The following MTM1 variants were observed in gnomAD, a reference collection of about 807,000 sequenced individuals.
MTM1 encodes myotubularin 1.
A neutral mutation model predicts 52.1 loss-of-function variants in MTM1; 9 were observed. The ratio of observed to expected loss-of-function variants is 0.17; its 90% CI spans 0.10 to 0.30. The LOEUF (loss-of-function observed/expected upper bound fraction) is 0.30, where lower values mean the gene tolerates loss of function less well. Ranked by LOEUF, MTM1 falls within the 10% of genes least tolerant of loss-of-function variation. The probability of loss-of-function intolerance (pLI) is 1.00; values close to 1 mark genes in which losing one functional copy is unlikely to be tolerated. For synonymous variants in MTM1, 136 were observed against 163.8 expected (o/e 0.83, Z 1.29); for missense variants, 277 against 470.7 (o/e 0.59, Z 3.81).
chrX:150,662,380 G>T (rs980090528), intron 13 of MTM1, among the ~76,000 whole-genome samples: 1 of 111,836 alleles, frequency 8.9e-6, no homozygotes, highest in African/African-American at 3.3e-5. Context: ...CTGGAGTGCT[G>T]TGGCGCGATC....
At position 150,590,369 on chromosome X, in the gene MTM1, G is replaced by A. The variant is rs182164347; in HGVS notation, c.-10-2236G>A. On this transcript the variant is annotated intron_variant, in intron 1 of 14. Transcript: ENST00000370396. ...TAGACATAAAGACTGCATATTGTTC[G>A]GTTTCATTTATATGAAATTCCCAAA... 5.9e-3 allele frequency among the ~76,000 whole-genome samples: 661 copies of A among 111,761 alleles called. 5 individuals are homozygous for A. Among genetic ancestry groups the A allele is most frequent in the Non-Finnish European group, 9.7e-3 (514 of 53,148 alleles).
chrX:150,640,183 T>C (rs987171332), intron 7 of MTM1, among the ~76,000 whole-genome samples: 3 of 112,092 alleles, frequency 2.7e-5, no homozygotes, highest in Non-Finnish European at 5.6e-5. Flanking sequence ...GTAAATGATG[T>C]ATTAAAATAT....
chrX:150,619,397 G>A (rs782615699), intron 6 of MTM1, among the ~76,000 whole-genome samples: 1 of 112,129 alleles, frequency 8.9e-6, no homozygotes, highest in Non-Finnish European at 1.9e-5. Flanking sequence ...AACTCTCTGA[G>A]CCTAAATGCC....
rs782354594 is a variant in MTM1 at position 150,663,433 on chromosome X, A to G, written c.1468A>G (p.Lys490Glu). ...FNCESARERQKVTERTVSLWS... is the reference protein window; with the variant it reads ...FNCESARERQEVTERTVSLWS... ...ACTTTCTCTCTCTGTCTCTCTGTAG[A>G]AGGTTACAGAAAGGACTGTTTCTTT... is the stretch of plus-strand genomic sequence containing the variant. Residue 490 changes from lysine (K) to glutamate (E), a missense_variant and splice_region_variant, in exon 14 of 15, where the codon AAG becomes GAG. Lys to Glu is a moderately conservative substitution (Grantham distance 56). This residue lies in a region of MTM1 where 59 missense variants were observed against 107.8 expected (regional missense o/e 0.55). Coordinates refer to ENST00000370396, the MANE Select transcript of MTM1 (RefSeq NM_000252.3). 2 of 1,210,418 alleles carry G rather than the reference A, an allele frequency of 1.7e-6. No homozygotes were observed. The highest frequency in any genetic ancestry group is 4.3e-5 in the Admixed American group (2 of 46,035).
At chrX:150,664,368 T>TC (rs1217159221) in intron 14 of MTM1, among the ~76,000 whole-genome samples, 3 of 112,918 alleles carry the variant, frequency 2.7e-5, no homozygotes, top group Middle Eastern at 4.2e-3. Context: ...GCACCAGCTT[T>TC]AATGCCAGAA....
At chrX:150,608,524 A>G (rs2039212070) in intron 4 of MTM1, among the ~76,000 whole-genome samples, 1 of 111,032 alleles carries the variant, frequency 9.0e-6, no homozygotes, top group Non-Finnish European at 1.9e-5. Context: ...CAGCCCTTTA[A>G]TTTATTTTTT....
chrX:150,623,674 T>C (rs891701919), intron 6 of MTM1, among the ~76,000 whole-genome samples: 3 of 110,861 alleles, frequency 2.7e-5, no homozygotes, highest in Non-Finnish European at 3.8e-5. Flanking sequence ...CAGCCCAGTT[T>C]GTGGGGCAGT....
intron 7 of MTM1, 120 bp from the exon 8 acceptor site, chrX:150,641,149 C>A: frequency 1.4e-6 from 1 of 738,955 alleles, no homozygotes; most frequent in Non-Finnish European, 2.0e-6. Flanking sequence ...GGTAGACCGT[C>A]ATCACCCTGT....
chrX:150,663,708 T>C, intron 14 of MTM1, 99 bp downstream of exon 14: 1 of 791,679 alleles, frequency 1.3e-6, no homozygotes. Flanking sequence ...AAGAAAAATA[T>C]CAGACTCTAA....
At chrX:150,655,735 A>G (rs1363793673) in intron 10 of MTM1, among the ~76,000 whole-genome samples, 3 of 112,053 alleles carry the variant, frequency 2.7e-5, no homozygotes, top group Non-Finnish European at 5.6e-5. Context: ...CCTGGGGCTC[A>G]AGGTGGGAGA....
intron 1 of MTM1, among the ~76,000 whole-genome samples, chrX:150,577,114 A>G (rs2038485959): frequency 9.0e-6 from 1 of 111,682 alleles, no homozygotes; most frequent in Non-Finnish European, 1.9e-5. Context: ...TGCTTTTTAT[A>G]TTCATTTTTG....
intron 14 of MTM1, among the ~76,000 whole-genome samples, chrX:150,669,560 T>C (rs1238601334): frequency 8.9e-6 from 1 of 111,767 alleles, no homozygotes; most frequent in African/African-American, 3.3e-5. Context: ...TAATCGCCAT[T>C]CTGACTGGCA....
chrX:150,638,868 G>A (rs1557413775), intron 6 of MTM1, 75 bp from the exon 7 acceptor site: 7 of 791,571 alleles, frequency 8.8e-6, no homozygotes, highest in South Asian at 6.3e-5. Flanking sequence ...TTTATTTTGC[G>A]AGAAATCAAA....
chrX:150,653,281 C>T (rs782666236), intron 10 of MTM1, among the ~76,000 whole-genome samples: 1 of 111,365 alleles, frequency 9.0e-6, no homozygotes, highest in African/African-American at 3.3e-5. Flanking sequence ...CCATTCCCCG[C>T]CTCTTCCAGC....
At chrX:150,581,231 AT>A (rs782502609) in intron 1 of MTM1, among the ~76,000 whole-genome samples, 22 of 112,112 alleles carry the variant, frequency 2.0e-4, no homozygotes, top group Non-Finnish European at 3.9e-4. Flanking sequence ...GTAGCTTTAA[AT>A]TCCAAAGGCA....
intron 4 of MTM1, among the ~76,000 whole-genome samples, chrX:150,612,001 G>T (rs1394271385): frequency 4.5e-5 from 5 of 111,637 alleles, no homozygotes; most frequent in African/African-American, 1.3e-4. Flanking sequence ...TTCGAGACCA[G>T]CCTGGGCCAC....
At chrX:150,565,501 T>C (rs1049082780), upstream of MTM1, among the ~76,000 whole-genome samples, 35 of 111,981 alleles carry the variant, frequency 3.1e-4, no homozygotes, top group African/African-American at 1.1e-3. Flanking sequence ...GCCCAATACA[T>C]TGAACCTGGT....
chrX:150,661,836 G>A (rs1557414706), intron 13 of MTM1, among the ~76,000 whole-genome samples: 4 of 111,243 alleles, frequency 3.6e-5, no homozygotes. Context: ...TCAGTTATAA[G>A]TACTAAAGAC....
chrX:150,639,272 C>A (rs1168333209), intron 7 of MTM1, among the ~76,000 whole-genome samples: 2 of 112,094 alleles, frequency 1.8e-5, no homozygotes, highest in African/African-American at 3.2e-5. Context: ...TATTTCCTTC[C>A]CTATATGAAG....
Sources: allele counts gnomAD v4.1 joint callset (sites outside exome capture counted in the v4.1 genomes callset), GRCh38; gene constraint gnomAD v4.1.1; regional missense constraint gnomAD v4.1.1; transcripts MANE v1.5; gene names NCBI Gene and HGNC (gene_info 2026-07-23, HGNC 2026-07-21).